The following CAP2 variants were observed in gnomAD, a reference collection of about 807,000 sequenced individuals.
The protein encoded by CAP2 is adenylyl cyclase-associated protein 2.
In CAP2, 24 loss-of-function variants were observed where a neutral mutation model predicts 57.7. The ratio of observed to expected loss-of-function variants is 0.42; its 90% CI spans 0.30 to 0.58. CAP2 has a LOEUF of 0.58. Ranked by LOEUF, CAP2 falls within the 20% of genes least tolerant of loss-of-function variation. The pLI is 0.22. For synonymous variants in CAP2, 194 were observed against 207.2 expected (o/e 0.94, Z 0.55); for missense variants, 501 against 590.3 (o/e 0.85, Z 1.57).
chr6:17,406,038 G>A (rs1734827933), intron 1 of CAP2, among the ~76,000 whole-genome samples: 1 of 152,132 alleles, frequency 6.6e-6, no homozygotes, highest in Non-Finnish European at 1.5e-5. Flanking sequence ...ACCGCGCCCA[G>A]CCTGAGCAGT....
rs772047301 is a variant in CAP2 at position 17,521,638 on chromosome 6, C to T, written c.636+7684C>T. On this transcript the variant is annotated intron_variant, in intron 7 of 12. Transcript: ENST00000229922. The stretch of plus-strand genomic sequence containing the variant: ...GACACGATTCCTGTCCACGGAAACG[C>T]GCATTCTAGCTGAAGAAGATGAGCA... 2.6e-5 allele frequency among the ~76,000 whole-genome samples: 4 copies of T among 152,102 alleles called. No individual in the cohort carries two copies. The South Asian group carries it at 6.2e-4, about 24-fold the overall frequency.
In CAP2 at chr6:17,556,479, C is replaced by G. The variant is rs751136913; in HGVS notation, c.*37C>G. On this transcript the variant is annotated 3_prime_UTR_variant, in exon 13 of 13. Coordinates refer to ENST00000229922, the MANE Select transcript of CAP2 (RefSeq NM_006366.3). Reference sequence around the variant, plus strand: ...ACCGAACCCCCTCACCTGAATCCCCCTCTATCAAACAAACAAAAAAGCAGC... The same window carrying G: ...ACCGAACCCCCTCACCTGAATCCCCGTCTATCAAACAAACAAAAAAGCAGC... The G allele has an allele frequency of 2.9e-6, 4 of 1,399,580 alleles. No individual in the cohort carries two copies. The highest frequency in any genetic ancestry group is 4.1e-6 in the Non-Finnish European group (4 of 983,966). The allele number at this position is 1,399,580 out of a possible 1,614,324, so 86.7% of individuals were successfully genotyped here.
intron 1 of CAP2, among the ~76,000 whole-genome samples, chr6:17,417,512 C>A (rs1421216930): frequency 1.3e-5 from 2 of 152,000 alleles, no homozygotes; most frequent in Non-Finnish European, 2.9e-5. Flanking sequence ...TGGGATCCAG[C>A]GATCCACCCG....
At chr6:17,493,645 T>C (rs559885092) in intron 4 of CAP2, 1 of 158,596 alleles carries the variant, frequency 6.3e-6, no homozygotes, top group African/African-American at 2.4e-5. Flanking sequence ...TGGAACTGAA[T>C]TGTACTGAAT....
intron 3 of CAP2, among the ~76,000 whole-genome samples, chr6:17,434,777 G>A (rs1759829064): frequency 1.3e-5 from 2 of 151,962 alleles, no homozygotes; most frequent in South Asian, 4.2e-4. Flanking sequence ...TTCACACCTT[G>A]TTTTCTTCAC....
intron 1 of CAP2, among the ~76,000 whole-genome samples, chr6:17,411,419 G>C (rs547020683): frequency 6.6e-6 from 1 of 152,298 alleles, no homozygotes; most frequent in South Asian, 2.1e-4. Flanking sequence ...CAATGTCTGA[G>C]GGTTCCAATT....
intron 3 of CAP2, among the ~76,000 whole-genome samples, chr6:17,449,416 T>A (rs115300364): frequency 0.025 from 3,752 of 152,192 alleles, 163 homozygotes; most frequent in African/African-American, 0.084. Context: ...TATTATTATT[T>A]TTTTTTTGAG....
chr6:17,501,832 A>G (rs796656062), intron 4 of CAP2, among the ~76,000 whole-genome samples: 4 of 152,350 alleles, frequency 2.6e-5, no homozygotes, highest in African/African-American at 9.6e-5. Context: ...TCCAAAGTAC[A>G]GTCGCATCCA....
chr6:17,412,689 T>C (rs974859134), intron 1 of CAP2, among the ~76,000 whole-genome samples: 4 of 152,072 alleles, frequency 2.6e-5, no homozygotes, highest in African/African-American at 9.7e-5. Flanking sequence ...TAATTGTACA[T>C]GTGGTTTAGA....
At chr6:17,537,233 CT>C (rs1561820160) in intron 7 of CAP2, among the ~76,000 whole-genome samples, 1 of 152,084 alleles carries the variant, frequency 6.6e-6, no homozygotes, top group Non-Finnish European at 1.5e-5. Flanking sequence ...GTTTTCCAGG[CT>C]GGGGTACAGT....
intron 3 of CAP2, among the ~76,000 whole-genome samples, chr6:17,433,121 CTCTG>C (rs1343813404): frequency 2.6e-5 from 4 of 152,146 alleles, no homozygotes; most frequent in African/African-American, 7.2e-5. Flanking sequence ...TCTCCAGAGT[CTCTG>C]TCTGTCACCT....
At chr6:17,424,272 C>T (rs1160913408) in intron 2 of CAP2, among the ~76,000 whole-genome samples, 7 of 151,968 alleles carry the variant, frequency 4.6e-5, no homozygotes, top group Admixed American at 3.9e-4. Flanking sequence ...TGGTGGCGGG[C>T]GCCTGTAGTC....
chr6:17,534,625 C>T (rs1351568023), intron 7 of CAP2, among the ~76,000 whole-genome samples: 1 of 152,132 alleles, frequency 6.6e-6, no homozygotes, highest in Non-Finnish European at 1.5e-5. Context: ...CGCCCGTGCC[C>T]CCTCTCCTGT....
chr6:17,550,535 A>C (rs538330811), intron 11 of CAP2, among the ~76,000 whole-genome samples: 1 of 150,858 alleles, frequency 6.6e-6, no homozygotes, highest in East Asian at 2.0e-4. Flanking sequence ...CATCACTCGC[A>C]CCATCAATAA....
intron 7 of CAP2, among the ~76,000 whole-genome samples, chr6:17,535,964 G>A (rs983824957): frequency 3.9e-5 from 6 of 152,050 alleles, no homozygotes; most frequent in Non-Finnish European, 7.4e-5. Context: ...GATTACAGGC[G>A]TGAGCCACCA....
intron 1 of CAP2, among the ~76,000 whole-genome samples, chr6:17,408,375 C>T (rs1201439681): frequency 1.3e-5 from 2 of 152,120 alleles, no homozygotes; most frequent in East Asian, 1.9e-4. Flanking sequence ...ACAACCAGCT[C>T]TCCTGGGAAC....
At position 17,420,215 on chromosome 6, in the gene CAP2, C is replaced by T. The variant is rs542901043; in HGVS notation, c.-1-1340C>T. ...CCAGTCCTCTAATCAGCTTTAATCCCTATTTATCCCAGCCAAGAGTACTGG... is the reference window on the plus strand; with the variant it reads ...CCAGTCCTCTAATCAGCTTTAATCCTTATTTATCCCAGCCAAGAGTACTGG... On this transcript the variant is annotated intron_variant, in intron 1 of 12. Coordinates refer to ENST00000229922, the MANE Select transcript of CAP2 (RefSeq NM_006366.3). Among the ~76,000 whole-genome samples the T allele has an allele frequency of 9.8e-5, 15 of 152,322 alleles. No individual in the cohort carries two copies. The South Asian group carries it at 2.1e-3, about 21-fold the overall frequency.
chr6:17,480,774 T>G (rs9465042), intron 4 of CAP2, among the ~76,000 whole-genome samples: 99,773 of 133,932 alleles, frequency 0.74, 35,829 homozygotes, highest in East Asian at 0.94. Context: ...GTTTTTTTGG[T>G]TTTTTTTTTT....
chr6:17,481,741 C>T lies in CAP2; in HGVS notation c.300+18668C>T, dbSNP rs74471816. On this transcript the variant is annotated intron_variant, in intron 4 of 12. Transcript: ENST00000229922. Reference sequence around the variant, plus strand: ...TTTCTAAGTCTGAAAATATCCTTCTCTGCCTTCAAAGAGCAAAATGACCCT... The same window carrying T: ...TTTCTAAGTCTGAAAATATCCTTCTTTGCCTTCAAAGAGCAAAATGACCCT... 2.6e-3 allele frequency among the ~76,000 whole-genome samples: 403 copies of T among 152,320 alleles called. 2 individuals are homozygous for T. The highest frequency in any genetic ancestry group is 9.0e-3 in the African/African-American group (373 of 41,556).
Sources: allele counts gnomAD v4.1 joint callset (sites outside exome capture counted in the v4.1 genomes callset), GRCh38; gene constraint gnomAD v4.1.1; transcripts MANE v1.5; gene names NCBI Gene and HGNC (gene_info 2026-07-23, HGNC 2026-07-21).